Variants in SPECC1 observed in about 807,000 individuals in gnomAD.
SPECC1 encodes cytospin-B.
In SPECC1, 62 loss-of-function variants were observed where a neutral mutation model predicts 104.1. The observed-to-expected ratio is 0.60, with a 90% CI of 0.49 to 0.74. SPECC1 has a LOEUF of 0.74. SPECC1 is among the 30% of genes least tolerant of loss of function. The probability of loss-of-function intolerance (pLI) is 0.00; values close to 1 mark genes in which losing one functional copy is unlikely to be tolerated. For missense variants in SPECC1, 1,306 were observed against 1,310.5 expected (o/e 1.00, Z 0.05); for synonymous variants, 513 against 501.6 (o/e 1.02, Z -0.30).
chr17:20,149,644 G>A (rs1352164321), intron 3 of SPECC1, among the ~76,000 whole-genome samples: 1 of 152,026 alleles, frequency 6.6e-6, no homozygotes, highest in Non-Finnish European at 1.5e-5. Flanking sequence ...CCTTTTCTTT[G>A]TATCCTTTTG....
chr17:20,279,533 G>T (rs151065176), intron 12 of SPECC1, among the ~76,000 whole-genome samples: 1 of 151,996 alleles, frequency 6.6e-6, no homozygotes, highest in African/African-American at 2.4e-5. Context: ...TGTTGGTCAG[G>T]CTGATCTTGA....
At chr17:20,181,872 T>G (rs16960715) in intron 3 of SPECC1, among the ~76,000 whole-genome samples, 37,802 of 151,820 alleles carry the variant, frequency 0.25, 5,901 homozygotes, top group African/African-American at 0.45. Context: ...AAACAAGACC[T>G]GAGATAATGG....
chr17:20,313,840 G>A (rs2041994187), intron 14 of SPECC1, 136 bp from the exon 15 acceptor site: 1 of 736,200 alleles, frequency 1.4e-6, no homozygotes, highest in Middle Eastern at 2.4e-4. Flanking sequence ...CACCACCTGT[G>A]CTGGCCTTCA....
At chr17:20,063,378 C>T (rs555677245) in intron 1 of SPECC1, among the ~76,000 whole-genome samples, 23 of 152,244 alleles carry the variant, frequency 1.5e-4, no homozygotes, top group South Asian at 4.1e-4. Flanking sequence ...TATGTAATTA[C>T]GTTCTCTTTC....
chr17:20,122,969 C>A (rs1443987406), intron 3 of SPECC1, among the ~76,000 whole-genome samples: 1 of 152,166 alleles, frequency 6.6e-6, no homozygotes, highest in African/African-American at 2.4e-5. Flanking sequence ...CCTTGAGACA[C>A]TGCTTTGACT....
At chr17:20,276,163 C>T (rs989212456) in intron 12 of SPECC1, among the ~76,000 whole-genome samples, 1 of 152,092 alleles carries the variant, frequency 6.6e-6, no homozygotes, top group African/African-American at 2.4e-5. Context: ...GTTGCCCAGG[C>T]TAGAGTGTAG....
intron 3 of SPECC1, among the ~76,000 whole-genome samples, chr17:20,132,709 GTAGT>G (rs1333502153): frequency 2.3e-3 from 328 of 141,560 alleles, no homozygotes; most frequent in African/African-American, 8.1e-3. Context: ...AATTTTATGT[GTAGT>G]TATTTATTTA....
At chr17:20,252,139 G>T (rs1191479778) in intron 9 of SPECC1, among the ~76,000 whole-genome samples, 1 of 152,014 alleles carries the variant, frequency 6.6e-6, no homozygotes, top group Non-Finnish European at 1.5e-5. Flanking sequence ...ATGCTTACTT[G>T]CATTCTGAAA....
At chr17:20,264,477 T>G (rs981881010) in intron 12 of SPECC1, among the ~76,000 whole-genome samples, 48 of 131,728 alleles carry the variant, frequency 3.6e-4, no homozygotes, top group African/African-American at 1.3e-3. Flanking sequence ...TTTTTTTTTT[T>G]TTTTTTTTTT....
chr17:20,059,024 A>G (rs2046080005), intron 1 of SPECC1, among the ~76,000 whole-genome samples: 1 of 147,656 alleles, frequency 6.8e-6, no homozygotes. Context: ...TTGAATTTTT[A>G]GTAGACGGGG....
chr17:20,256,935 A>G (rs2039854405), intron 10 of SPECC1, among the ~76,000 whole-genome samples: 1 of 152,210 alleles, frequency 6.6e-6, no homozygotes, highest in African/African-American at 2.4e-5. Context: ...TGACAGCAGA[A>G]AGGAGCCTTG....
chr17:20,111,351 G>C (rs562861368), intron 3 of SPECC1, among the ~76,000 whole-genome samples: 4 of 152,142 alleles, frequency 2.6e-5, no homozygotes, highest in Admixed American at 2.0e-4. Flanking sequence ...GATCTCAAAA[G>C]GTATATTTTA....
intron 3 of SPECC1, among the ~76,000 whole-genome samples, chr17:20,160,457 G>A (rs2033035598): frequency 6.6e-6 from 1 of 152,104 alleles, no homozygotes; most frequent in African/African-American, 2.4e-5. Flanking sequence ...CCACTGACAT[G>A]CCAGGGGACT....
intron 3 of SPECC1, among the ~76,000 whole-genome samples, chr17:20,163,933 C>A (rs1416629279): frequency 1.3e-5 from 2 of 152,148 alleles, no homozygotes; most frequent in Non-Finnish European, 2.9e-5. Context: ...ATTAATTACT[C>A]AGTTACATAT....
chr17:20,226,318 A>G (rs899618144), intron 4 of SPECC1, among the ~76,000 whole-genome samples: 32 of 152,240 alleles, frequency 2.1e-4, no homozygotes, highest in African/African-American at 7.7e-4. Flanking sequence ...ATGCAGGAGC[A>G]TAGTAAGCAT....
intron 12 of SPECC1, among the ~76,000 whole-genome samples, chr17:20,260,779 A>G (rs1453238635): frequency 6.6e-6 from 1 of 152,218 alleles, no homozygotes; most frequent in Non-Finnish European, 1.5e-5. Flanking sequence ...AGCAAAGTGC[A>G]GGAATTGATA....
At chr17:20,253,484 G>A in intron 9 of SPECC1, 21 bp from the exon 10 acceptor site, 1 of 1,613,366 alleles carries the variant, frequency 6.2e-7, no homozygotes, top group East Asian at 2.2e-5. Context: ...CACCGTGCTG[G>A]TGTCCCCCTG....
intron 7 of SPECC1, among the ~76,000 whole-genome samples, chr17:20,244,219 ACT>A (rs1203549214): frequency 6.6e-6 from 1 of 151,912 alleles, no homozygotes; most frequent in Non-Finnish European, 1.5e-5. Flanking sequence ...ACAGAGCGAG[ACT>A]CTGTCTCAGA....
intron 1 of SPECC1, among the ~76,000 whole-genome samples, chr17:20,063,764 A>C (rs886939000): frequency 6.6e-6 from 1 of 152,248 alleles, no homozygotes; most frequent in Non-Finnish European, 1.5e-5. Context: ...TCAGACTATC[A>C]GCTTTGTTAA....
Sources: allele counts gnomAD v4.1 joint callset (sites outside exome capture counted in the v4.1 genomes callset), GRCh38; gene constraint gnomAD v4.1.1; transcripts MANE v1.5; gene names NCBI Gene and HGNC (gene_info 2026-07-23, HGNC 2026-07-21).